The following THSD7B variants were observed in gnomAD, a reference collection of about 807,000 sequenced individuals.
The protein encoded by THSD7B is thrombospondin type-1 domain-containing protein 7B.
THSD7B carries 138 observed loss-of-function variants against 213.6 expected under a neutral mutation model. The observed-to-expected ratio is 0.65, with a 90% CI of 0.56 to 0.74. The LOEUF is 0.74. Among genes scored for constraint, THSD7B ranks in the 30% least tolerant of loss-of-function variants. The probability of loss-of-function intolerance (pLI) is 0.00; values close to 1 mark genes in which losing one functional copy is unlikely to be tolerated. For synonymous variants in THSD7B, 742 were observed against 687.0 expected, an observed-to-expected ratio of 1.08 and a Z score of -1.25; for missense variants, 1,931 against 1,991.5, an observed-to-expected ratio of 0.97 and a Z score of 0.58.
intron 5 of THSD7B, among the ~76,000 whole-genome samples, chr2:137,154,494 G>T (rs1679876296): frequency 6.6e-6 from 1 of 151,970 alleles, no homozygotes; most frequent in Non-Finnish European, 1.5e-5. Flanking sequence ...GGGATACATG[G>T]TTATTAATTA....
At chr2:137,496,407 C>A (rs1487154585) in intron 15 of THSD7B, among the ~76,000 whole-genome samples, 1 of 152,110 alleles carries the variant, frequency 6.6e-6, no homozygotes, top group Non-Finnish European at 1.5e-5. Context: ...TGTTAATATG[C>A]GCTCTTACCC....
At chr2:137,208,051 T>C (rs1297805159) in intron 7 of THSD7B, among the ~76,000 whole-genome samples, 1 of 152,066 alleles carries the variant, frequency 6.6e-6, no homozygotes, top group Non-Finnish European at 1.5e-5. Context: ...AAGAGAGTTT[T>C]TAATTCTGTA....
intron 1 of THSD7B, among the ~76,000 whole-genome samples, chr2:136,837,076 T>C (rs1017680944): frequency 6.6e-6 from 1 of 152,252 alleles, no homozygotes; most frequent in East Asian, 1.9e-4. Flanking sequence ...TTGGATTGGC[T>C]TCATCTTTCC....
At chr2:137,004,812 G>T (rs938940586) in intron 2 of THSD7B, among the ~76,000 whole-genome samples, 1 of 152,068 alleles carries the variant, frequency 6.6e-6, no homozygotes, top group Non-Finnish European at 1.5e-5. Flanking sequence ...TAGGTTTGTA[G>T]TGCTTTGAAA....
chr2:136,930,842 T>A (rs566259), intron 2 of THSD7B, among the ~76,000 whole-genome samples: 63,724 of 151,894 alleles, frequency 0.42, 15,228 homozygotes, highest in Non-Finnish European at 0.55. Context: ...ATTATTATAT[T>A]ATTGATTATA....
intron 13 of THSD7B, among the ~76,000 whole-genome samples, chr2:137,406,024 C>CTATCAAGTTCCTCTCTA: frequency 6.6e-6 from 1 of 152,142 alleles, no homozygotes; most frequent in Non-Finnish European, 1.5e-5. Flanking sequence ...TGTTTTATAG[C>CTATCAAGTTCCTCTCTA]TATCAAGTTC....
intron 10 of THSD7B, among the ~76,000 whole-genome samples, chr2:137,262,731 A>T (rs1380085895): frequency 2.6e-5 from 4 of 152,224 alleles, no homozygotes; most frequent in Non-Finnish European, 5.9e-5. Context: ...TATTGGATGC[A>T]TAAGAAACTC....
At chr2:137,613,130 C>T (rs1034340547) in intron 17 of THSD7B, among the ~76,000 whole-genome samples, 13 of 152,140 alleles carry the variant, frequency 8.5e-5, no homozygotes, top group African/African-American at 2.7e-4. Flanking sequence ...GTCTTTAAAT[C>T]TCTTTTAACC....
chr2:137,630,551 T>C (rs1310756452), intron 20 of THSD7B, among the ~76,000 whole-genome samples: 1 of 152,238 alleles, frequency 6.6e-6, no homozygotes, highest in Non-Finnish European at 1.5e-5. Flanking sequence ...ATTTAAATCA[T>C]GCTTGAATCC....
At chr2:137,361,166 CAG>C (rs1400285899) in intron 12 of THSD7B, among the ~76,000 whole-genome samples, 1 of 152,072 alleles carries the variant, frequency 6.6e-6, no homozygotes, top group Non-Finnish European at 1.5e-5. Flanking sequence ...AACCAACAAA[CAG>C]AAAGGAATAG....
intron 3 of THSD7B, among the ~76,000 whole-genome samples, chr2:137,079,745 A>C (rs900979514): frequency 2.6e-5 from 4 of 152,182 alleles, no homozygotes; most frequent in African/African-American, 9.7e-5. Context: ...TGGCCTCTTC[A>C]TAGTAGCTTA....
intron 2 of THSD7B, among the ~76,000 whole-genome samples, chr2:137,036,138 G>T (rs950383075): frequency 6.6e-6 from 1 of 152,148 alleles, no homozygotes; most frequent in African/African-American, 2.4e-5. Context: ...TATCATGAAT[G>T]CTGCAATTCT....
chr2:136,937,014 C>G (rs542615017), intron 2 of THSD7B, among the ~76,000 whole-genome samples: 234 of 152,154 alleles, frequency 1.5e-3, no homozygotes, highest in African/African-American at 5.6e-3. Flanking sequence ...ATGTTCAGCA[C>G]AATGGTTTTT....
At chr2:137,462,789 G>C (rs1274856441) in intron 15 of THSD7B, among the ~76,000 whole-genome samples, 1 of 151,642 alleles carries the variant, frequency 6.6e-6, no homozygotes, top group East Asian at 1.9e-4. Context: ...AAATGGCTCA[G>C]AAGCACAAGA....
At chr2:137,407,722 C>T (rs1385665458) in intron 13 of THSD7B, among the ~76,000 whole-genome samples, 1 of 152,064 alleles carries the variant, frequency 6.6e-6, no homozygotes, top group East Asian at 1.9e-4. Flanking sequence ...CAAGCCACTT[C>T]ATTGAATATG....
chr2:137,572,644 G>A (rs778650311), intron 17 of THSD7B, 88 bp downstream of exon 17: 64 of 1,397,038 alleles, frequency 4.6e-5, no homozygotes, highest in Non-Finnish European at 5.7e-5. Context: ...AGTCTCCAAA[G>A]CATTCTTCTA....
intron 1 of THSD7B, among the ~76,000 whole-genome samples, chr2:136,824,824 G>GC (rs1235575320): frequency 1.3e-5 from 2 of 152,146 alleles, no homozygotes; most frequent in African/African-American, 4.8e-5. Context: ...AGCAGTTGGA[G>GC]GTCTGCATAC....
At chr2:137,372,571 A>G (rs985885011) in intron 12 of THSD7B, among the ~76,000 whole-genome samples, 1 of 151,992 alleles carries the variant, frequency 6.6e-6, no homozygotes, top group African/African-American at 2.4e-5. Flanking sequence ...AGGGGCTTCC[A>G]AGTCAAAGAT....
intron 15 of THSD7B, among the ~76,000 whole-genome samples, chr2:137,458,896 G>A (rs1022782398): frequency 3.9e-5 from 6 of 152,002 alleles, no homozygotes; most frequent in Non-Finnish European, 7.4e-5. Context: ...CCATAAATTT[G>A]ATTTTTGTTC....
Sources: allele counts gnomAD v4.1 joint callset (sites outside exome capture counted in the v4.1 genomes callset), GRCh38; gene constraint gnomAD v4.1.1; transcripts MANE v1.5; gene names NCBI Gene and HGNC (gene_info 2026-07-23, HGNC 2026-07-21).